Variants in RALGAPA1 observed in about 807,000 individuals in gnomAD.
RALGAPA1 encodes the protein Ral GTPase activating protein catalytic subunit alpha 1, also known as ral GTPase-activating protein subunit alpha-1.
In RALGAPA1, 52 loss-of-function variants were observed where a neutral mutation model predicts 269.6. The observed-to-expected ratio is 0.19, with a 90% CI of 0.15 to 0.24. The LOEUF (loss-of-function observed/expected upper bound fraction) is 0.24, where lower values mean the gene tolerates loss of function less well. Ranked by LOEUF, RALGAPA1 falls within the 10% of genes least tolerant of loss-of-function variation. The pLI, the probability that RALGAPA1 is intolerant of heterozygous loss-of-function variation, is 1.00. For missense variants in RALGAPA1, 1,917 were observed against 3,013.9 expected, an observed-to-expected ratio of 0.64 and a Z score of 8.52; for synonymous variants, 817 against 1,008.3, an observed-to-expected ratio of 0.81 and a Z score of 3.60.
In RALGAPA1 at chr14:35,627,283, T is replaced by C; in HGVS notation, c.6664A>G (p.Lys2222Glu). Residue 2222 changes from lysine to glutamate, a missense_variant, in exon 34 of 42, where the codon AAA becomes GAA. Transcript: ENST00000680220. ...GCATTAATAACATCATTTTCTTGTT[T>C]TTCAGAAATGCACACAGGTTGTGGA... ...PAPQPVCISE[K>E]QENDVINAIL... 6.2e-7 allele frequency: 1 copy of C among 1,608,802 alleles called. No individual in the cohort carries two copies. The highest frequency in any genetic ancestry group is 8.5e-7 in the Non-Finnish European group (1 of 1,178,784).
At chr14:35,706,067 A>AT in intron 16 of RALGAPA1, among the ~76,000 whole-genome samples, 1 of 152,066 alleles carries the variant, frequency 6.6e-6, no homozygotes, top group Non-Finnish European at 1.5e-5. Flanking sequence ...TGTTTTGCAG[A>AT]TTTTCTCCCC....
chr14:35,604,981 G>A (rs2059507073), intron 36 of RALGAPA1, among the ~76,000 whole-genome samples: 1 of 152,068 alleles, frequency 6.6e-6, no homozygotes, highest in Admixed American at 6.6e-5. Flanking sequence ...ACCTTGACAT[G>A]GGTTGGTTTC....
chr14:35,594,336 C>G (rs1381991584), intron 37 of RALGAPA1, among the ~76,000 whole-genome samples: 1 of 151,972 alleles, frequency 6.6e-6, no homozygotes, highest in Non-Finnish European at 1.5e-5. Context: ...GAAAAGGCAC[C>G]CTACAGAGGG....
At chr14:35,751,040 GA>G in intron 8 of RALGAPA1, among the ~76,000 whole-genome samples, 1 of 152,292 alleles carries the variant, frequency 6.6e-6, no homozygotes, top group African/African-American at 2.4e-5. Flanking sequence ...TACAAAATAT[GA>G]GGTTTTACCT....
At chr14:35,709,351 C>T (rs1251244024) in intron 16 of RALGAPA1, among the ~76,000 whole-genome samples, 1 of 151,796 alleles carries the variant, frequency 6.6e-6, no homozygotes, top group African/African-American at 2.4e-5. Flanking sequence ...ATATATATAC[C>T]TACTATATAC....
intron 37 of RALGAPA1, among the ~76,000 whole-genome samples, chr14:35,589,687 G>T (rs2138894939): frequency 6.6e-6 from 1 of 152,044 alleles, no homozygotes; most frequent in African/African-American, 2.4e-5. Flanking sequence ...TTAAATTTAT[G>T]TATGTATTTA....
intron 35 of RALGAPA1, among the ~76,000 whole-genome samples, chr14:35,609,374 G>T (rs1422741278): frequency 6.6e-6 from 1 of 152,070 alleles, no homozygotes; most frequent in East Asian, 1.9e-4. Flanking sequence ...GTGTGAAAAT[G>T]TAACAATTTA....
intron 7 of RALGAPA1, among the ~76,000 whole-genome samples, chr14:35,752,987 T>G (rs12588266): frequency 0.022 from 3,395 of 152,244 alleles, 125 homozygotes; most frequent in South Asian, 0.14. Context: ...AACATTAAGA[T>G]AGATAGATAA....
chr14:35,629,937 T>TAG (rs2061250993), intron 33 of RALGAPA1, among the ~76,000 whole-genome samples: 1 of 152,164 alleles, frequency 6.6e-6, no homozygotes, highest in Non-Finnish European at 1.5e-5. Context: ...AAAAAGAATA[T>TAG]TTTATTTTAT....
chr14:35,588,657 TTTAAA>T (rs1341000725), intron 37 of RALGAPA1, among the ~76,000 whole-genome samples: 7 of 152,306 alleles, frequency 4.6e-5, no homozygotes, highest in Admixed American at 2.6e-4. Flanking sequence ...GTAGTGGGAA[TTTAAA>T]TTAGTACAGG....
Position 35,796,775 on chromosome 14 carries a change from G to A in RALGAPA1, c.106+11955C>T, listed in dbSNP as rs1258378683. Among the ~76,000 whole-genome samples, 794 of 151,858 alleles carry A rather than the reference G, an allele frequency of 5.2e-3. 2 individuals carry two copies. Among genetic ancestry groups the A allele is most frequent in the Non-Finnish European group, 8.3e-3 (567 of 67,924 alleles). On this transcript the variant is annotated intron_variant, in intron 1 of 41. Coordinates refer to ENST00000680220, the MANE Select transcript of RALGAPA1 (RefSeq NM_001346249.2). ...AGCCATCAACCTAGAATTCTAAACA[G>A]AACAAAAGTATCCTTTTTTTTTTGA...
intron 41 of RALGAPA1, among the ~76,000 whole-genome samples, chr14:35,547,850 A>G (rs1270653191): frequency 6.6e-6 from 1 of 152,112 alleles, no homozygotes; most frequent in East Asian, 1.9e-4. Flanking sequence ...TCTAATAGCA[A>G]TTTAATGATG....
chr14:35,800,790 A>G (rs12895863), intron 1 of RALGAPA1, among the ~76,000 whole-genome samples: 17,657 of 152,214 alleles, frequency 0.12, 1,122 homozygotes, highest in South Asian at 0.14. Context: ...GGATCACTTG[A>G]GGTCAGGAGT....
chr14:35,652,497 T>C (rs1481025157), intron 30 of RALGAPA1, among the ~76,000 whole-genome samples: 1 of 152,100 alleles, frequency 6.6e-6, no homozygotes, highest in African/African-American at 2.4e-5. Flanking sequence ...ATCTCAGCTC[T>C]GGGTTCAAGT....
intron 36 of RALGAPA1, among the ~76,000 whole-genome samples, chr14:35,599,280 C>T (rs1015394023): frequency 6.6e-6 from 1 of 152,162 alleles, no homozygotes; most frequent in Non-Finnish European, 1.5e-5. Flanking sequence ...CCATGGTCTG[C>T]CTTCCTGATG....
At chr14:35,776,178 C>T (rs371318984) in intron 1 of RALGAPA1, among the ~76,000 whole-genome samples, 51 of 152,140 alleles carry the variant, frequency 3.4e-4, no homozygotes, top group Middle Eastern at 3.4e-3. Flanking sequence ...GTCAGGAGTT[C>T]GAAACCAGCC....
intron 1 of RALGAPA1, among the ~76,000 whole-genome samples, chr14:35,785,160 A>C (rs2075708678): frequency 6.6e-6 from 1 of 152,260 alleles, no homozygotes; most frequent in Non-Finnish European, 1.5e-5. Context: ...AAAATAATTA[A>C]ACATATGGTA....
At chr14:35,671,121 C>CTCTT (rs1231967681) in intron 26 of RALGAPA1, among the ~76,000 whole-genome samples, 1 of 152,130 alleles carries the variant, frequency 6.6e-6, no homozygotes, top group African/African-American at 2.4e-5. Context: ...TTACCTCTTG[C>CTCTT]TATAGCCCAT....
At chr14:35,727,089 A>T (rs1194654373) in intron 13 of RALGAPA1, among the ~76,000 whole-genome samples, 6 of 152,016 alleles carry the variant, frequency 3.9e-5, no homozygotes, top group Non-Finnish European at 8.8e-5. Flanking sequence ...TCAAAATATA[A>T]AGCCATTTTA....
Sources: allele counts gnomAD v4.1 joint callset (sites outside exome capture counted in the v4.1 genomes callset), GRCh38; gene constraint gnomAD v4.1.1; transcripts MANE v1.5; gene names NCBI Gene and HGNC (gene_info 2026-07-23, HGNC 2026-07-21).